SRD5A3: variants seen among roughly 807,000 people sequenced by gnomAD.
SRD5A3 encodes polyprenal reductase.
In SRD5A3, 24 loss-of-function variants were observed where a neutral mutation model predicts 34.3. The ratio of observed to expected loss-of-function variants is 0.70; its 90% CI spans 0.51 to 0.99. The LOEUF (loss-of-function observed/expected upper bound fraction) is 0.99. Ranked by LOEUF, SRD5A3 falls within the 50% of genes least tolerant of loss-of-function variation. The pLI is 0.00. For synonymous variants in SRD5A3, 161 were observed against 167.3 expected, an observed-to-expected ratio of 0.96 and a Z score of 0.29; for missense variants, 350 against 388.2, an observed-to-expected ratio of 0.90 and a Z score of 0.83.
At chr4:55,368,721 C>T (rs892081285) in intron 4 of SRD5A3, among the ~76,000 whole-genome samples, 4 of 149,984 alleles carry the variant, frequency 2.7e-5, no homozygotes, top group East Asian at 2.0e-4. Flanking sequence ...CCACTACACC[C>T]GGCCTATTAT....
Position 55,346,270 on chromosome 4 carries a change from TG to T in SRD5A3, c.-65del, listed in dbSNP as rs1478886468. ...CTGAGACCGGTGCGCCGCGCGCTAGTGGCCGCTCTTCCGCGGGCTAGCGGGC... is the reference window on the plus strand; with the variant it reads ...CTGAGACCGGTGCGCCGCGCGCTAGTGCCGCTCTTCCGCGGGCTAGCGGGC... On this transcript the variant is annotated 5_prime_UTR_variant, in exon 1 of 5. Transcript: ENST00000264228. 4.3e-5 allele frequency: 57 copies of T among 1,310,938 alleles called. No individual in the cohort carries two copies. Among genetic ancestry groups the T allele is most frequent in the Non-Finnish European group, 5.5e-5 (56 of 1,023,998 alleles). 81.2% of individuals were successfully genotyped at this position (1,310,938 alleles called of 1,614,324 possible).
chr4:55,348,142 G>A (rs970847525), intron 1 of SRD5A3, among the ~76,000 whole-genome samples: 15 of 152,140 alleles, frequency 9.9e-5, no homozygotes, highest in Non-Finnish European at 1.9e-4. Flanking sequence ...AGTTGGTTCT[G>A]TTTGGACTTC....
intron 1 of SRD5A3, chr4:55,358,953 A>T: frequency 4.4e-6 from 1 of 228,882 alleles, no homozygotes; most frequent in South Asian, 6.1e-5. Flanking sequence ...GGGATATAGA[A>T]ATCAAAATCT....
rs777429495 is a variant in SRD5A3, at chr4:55,372,228, T to C, written c.*2137T>C. 6.6e-6 allele frequency: 1 copy of C among 152,200 alleles called. No homozygotes were observed. Among genetic ancestry groups the C allele is most frequent in the Non-Finnish European group, 1.5e-5 (1 of 68,026 alleles). The allele number at this position is 152,200 out of a possible 1,614,324, so 9.4% of individuals were successfully genotyped here. On this transcript the variant is annotated 3_prime_UTR_variant, in exon 5 of 5. Transcript: ENST00000264228. Reference sequence around the variant, plus strand: ...GAGAAAAATGTATTTTATTTTAGCATGCAATTTTATGCCCAGGTTAGACTA... The same window carrying C: ...GAGAAAAATGTATTTTATTTTAGCACGCAATTTTATGCCCAGGTTAGACTA...
intron 2 of SRD5A3, among the ~76,000 whole-genome samples, chr4:55,361,470 A>T (rs1719681799): frequency 7.2e-6 from 1 of 138,588 alleles, no homozygotes; most frequent in Admixed American, 7.6e-5. Context: ...AGGACAGAGC[A>T]AGACTCCGTC....
rs368598878 is a variant in SRD5A3 at position 55,369,736 on chromosome 4, A to G, written c.698-96A>G. 966 of 1,533,220 alleles carry G rather than the reference A, an allele frequency of 6.3e-4. 5 individuals carry two copies. In the African/African-American group the frequency reaches 0.012, roughly 19 times the overall value. The allele number at this position is 1,533,220 out of a possible 1,614,324, so 95.0% of individuals were successfully genotyped here. ...ACAGAGCAAGACTTTGCCTCAAAAA[A>G]AAAAAAAAAAATTCTGTAAATGATT... On this transcript the variant is annotated intron_variant, in intron 4 of 4. Transcript: ENST00000264228.
chr4:55,353,944 T>G (rs895286391), intron 1 of SRD5A3, among the ~76,000 whole-genome samples: 3 of 152,206 alleles, frequency 2.0e-5, no homozygotes, highest in African/African-American at 7.2e-5. Flanking sequence ...GAACCAATTC[T>G]GGACACAATA....
chr4:55,354,537 G>T (rs1719356095), intron 1 of SRD5A3, among the ~76,000 whole-genome samples: 1 of 152,106 alleles, frequency 6.6e-6, no homozygotes, highest in South Asian at 2.1e-4. Flanking sequence ...GCCCCATCTG[G>T]TTCTATTCCA....
chr4:55,355,254 C>CGAGA (rs1316591450), intron 1 of SRD5A3, among the ~76,000 whole-genome samples: 2 of 152,006 alleles, frequency 1.3e-5, no homozygotes, highest in Non-Finnish European at 2.9e-5. Context: ...GTTAGGAGAT[C>CGAGA]GAGACCATCC....
rs1430780159 is a variant in SRD5A3, at chr4:55,371,277, A to C, written c.*1186A>C. The stretch of plus-strand genomic sequence containing the variant: ...TTGAACTAGCAGAAAGTATCTGAAG[A>C]TATTCAGGAATAAAGTTTATACTTA... On this transcript the variant is annotated 3_prime_UTR_variant, in exon 5 of 5. Transcript: ENST00000264228. 6.6e-6 allele frequency: 1 copy of C among 152,244 alleles called. No homozygotes were observed. The highest frequency in any genetic ancestry group is 1.9e-4 in the East Asian group (1 of 5,196). The allele number at this position is 152,244 out of a possible 1,614,324, so 9.4% of individuals were successfully genotyped here. A position where few individuals can be genotyped will look rare whatever the true frequency, so the allele number is the denominator to read the frequency against.
chr4:55,348,634 T>C (rs1719081047), intron 1 of SRD5A3, among the ~76,000 whole-genome samples: 1 of 152,236 alleles, frequency 6.6e-6, no homozygotes, highest in African/African-American at 2.4e-5. Context: ...TGTTTACATA[T>C]ATGATTATGT....
In SRD5A3 at chr4:55,370,462, CACACACACACAAAG is replaced by C. The variant is rs1720085524; in HGVS notation, c.*372_*385del. ...ACACACACACACACACACACACACACACACACACACAAAGGAAGATCATCAATGGCTGCGGTAGC... is the reference window on the plus strand; with the variant it reads ...ACACACACACACACACACACACACACGAAGATCATCAATGGCTGCGGTAGC... On this transcript the variant is annotated 3_prime_UTR_variant, in exon 5 of 5. Coordinates refer to ENST00000264228, the MANE Select transcript of SRD5A3 (RefSeq NM_024592.5). The C allele has an allele frequency of 7.9e-5, 20 of 253,356 alleles. No individual in the cohort carries two copies. Among genetic ancestry groups the C allele is most frequent in the African/African-American group, 4.5e-4 (18 of 39,758 alleles). The allele number at this position is 253,356 out of a possible 1,614,324, so 15.7% of individuals were successfully genotyped here. A position where few individuals can be genotyped will look rare whatever the true frequency, so the allele number is the denominator to read the frequency against.
chr4:55,369,810 A>C, intron 4 of SRD5A3, 22 bp from the exon 5 acceptor site: 1 of 1,613,822 alleles, frequency 6.2e-7, no homozygotes, highest in Non-Finnish European at 8.5e-7. Flanking sequence ...AATGCTTATG[A>C]GATCTTCTTT....
intron 2 of SRD5A3, among the ~76,000 whole-genome samples, chr4:55,363,205 C>T (rs978899362): frequency 3.3e-5 from 5 of 151,962 alleles, no homozygotes; most frequent in Admixed American, 1.3e-4. Context: ...AATCCCAGCA[C>T]TTTGGGAGGC....
In SRD5A3 at chr4:55,370,229, C is replaced by T; in HGVS notation, c.*138C>T. The stretch of plus-strand genomic sequence containing the variant: ...CATTTCTATACCCCACAAGTTTTCA[C>T]TGAATGAGCATGGCAGTGCCACTCA... On this transcript the variant is annotated 3_prime_UTR_variant, in exon 5 of 5. Transcript: ENST00000264228. 8.6e-7 allele frequency: 1 copy of T among 1,160,372 alleles called. No individual in the cohort carries two copies. The highest frequency in any genetic ancestry group is 1.8e-5 in the Admixed American group (1 of 55,886). 71.9% of individuals were successfully genotyped at this position (1,160,372 alleles called of 1,614,324 possible).
intron 1 of SRD5A3, among the ~76,000 whole-genome samples, chr4:55,357,502 G>A (rs913069306): frequency 5.9e-5 from 9 of 152,280 alleles, no homozygotes; most frequent in African/African-American, 2.2e-4. Context: ...AAGACCCTGT[G>A]GTATAACCAA....
intron 1 of SRD5A3, among the ~76,000 whole-genome samples, chr4:55,348,307 G>A (rs551057994): frequency 6.6e-6 from 1 of 151,964 alleles, no homozygotes; most frequent in African/African-American, 2.4e-5. Context: ...AAAACATCCA[G>A]ACCAATAATG....
Position 55,367,298 on chromosome 4 carries a change from T to A in SRD5A3, c.563-290T>A. On this transcript the variant is annotated intron_variant, in intron 3 of 4. Transcript: ENST00000264228. ...ACTGTTTAGAGAAGAAGCAAGAGAA[T>A]GTGTCTGTGTGGAATTCTCTTGCCA... 6.1e-6 allele frequency: 3 copies of A among 495,816 alleles called. No individual in the cohort carries two copies. In the South Asian group the frequency reaches 6.4e-5, roughly 11 times the overall value. 30.7% of individuals were successfully genotyped at this position (495,816 alleles called of 1,614,324 possible).
At chr4:55,349,572 T>C (rs1719112674) in intron 1 of SRD5A3, among the ~76,000 whole-genome samples, 1 of 152,174 alleles carries the variant, frequency 6.6e-6, no homozygotes, top group African/African-American at 2.4e-5. Context: ...GTTGCTTTTT[T>C]TTGTTTTCCT....
Sources: gnomAD v4.1 joint callset for allele counts (sites outside exome capture counted in the v4.1 genomes callset) on GRCh38, gnomAD v4.1.1 for gene constraint, MANE v1.5 for transcripts, NCBI Gene and HGNC (gene_info 2026-07-23, HGNC 2026-07-21) for gene names.